The following VAV1 variants were observed in gnomAD, a reference collection of about 807,000 sequenced individuals.
The protein encoded by VAV1 is proto-oncogene vav.
VAV1 carries 33 observed loss-of-function variants against 128.1 expected under a neutral mutation model. That is an observed-to-expected ratio of 0.26 (90% CI 0.20 to 0.34). The LOEUF (loss-of-function observed/expected upper bound fraction) is 0.34, where lower values mean the gene tolerates loss of function less well. Ranked by LOEUF, VAV1 falls within the 10% of genes least tolerant of loss-of-function variation. The pLI, the probability that VAV1 is intolerant of heterozygous loss-of-function variation, is 1.00. For missense variants in VAV1, 715 were observed against 1,093.7 expected, an observed-to-expected ratio of 0.65 and a Z score of 4.88; for synonymous variants, 394 against 409.8, an observed-to-expected ratio of 0.96 and a Z score of 0.47.
intron 1 of VAV1, among the ~76,000 whole-genome samples, chr19:6,776,162 AT>A (rs1435015062): frequency 6.9e-3 from 14 of 2,038 alleles, no homozygotes; most frequent in African/African-American, 0.013. Context: ...CTATCCACCC[AT>A]CCATCCATCC....
chr19:6,815,986 G>A lies in VAV1; in HGVS notation c.205-4716G>A, dbSNP rs75129577. On this transcript the variant is annotated intron_variant, in intron 1 of 26. Coordinates refer to ENST00000602142, the MANE Select transcript of VAV1 (RefSeq NM_005428.4). Reference sequence around the variant, plus strand: ...GGAGGATTGCTTGAGGACCAGCCTCGGCAACATAATGAAACTCTCTGTCTC... The same window carrying A: ...GGAGGATTGCTTGAGGACCAGCCTCAGCAACATAATGAAACTCTCTGTCTC... 4.6e-3 allele frequency among the ~76,000 whole-genome samples: 692 copies of A among 151,812 alleles called. 7 individuals carry two copies. Among genetic ancestry groups the A allele is most frequent in the African/African-American group, 0.015 (625 of 41,348 alleles).
chr19:6,815,639 G>C (rs113288417), intron 1 of VAV1, among the ~76,000 whole-genome samples: 124 of 152,298 alleles, frequency 8.1e-4, no homozygotes, highest in African/African-American at 2.9e-3. Flanking sequence ...AGTGCCAAAT[G>C]AATTCACACA....
chr19:6,773,718 G>A (rs573930473), intron 1 of VAV1, among the ~76,000 whole-genome samples: 1 of 152,310 alleles, frequency 6.6e-6, no homozygotes, highest in South Asian at 2.1e-4. Flanking sequence ...TGGAGGGGTG[G>A]TGGTGGATTT....
At chr19:6,776,658 A>G (rs1970649819) in intron 1 of VAV1, among the ~76,000 whole-genome samples, 1 of 151,398 alleles carries the variant, frequency 6.6e-6, no homozygotes, top group African/African-American at 2.4e-5. Context: ...CCATCCATCT[A>G]CTTTTCCATC....
chr19:6,833,530 G>A lies in VAV1; in HGVS notation c.1613G>A (p.Gly538Asp). ...SCKACQMLLR[G>D]TFYQGYRCHR... Reference sequence around the variant, plus strand: ...TTTATGTGTTCCCTGCATCTCAGAGGTACCTTCTATCAGGGCTACCGCTGC... The same window carrying A: ...TTTATGTGTTCCCTGCATCTCAGAGATACCTTCTATCAGGGCTACCGCTGC... Residue 538 changes from glycine (G) to aspartate (D), a missense_variant and splice_region_variant, in exon 17 of 27, where the codon GGT becomes GAT. Around this residue, in one of 3 missense-constraint regions of VAV1, gnomAD observed 407 missense variants for 580.6 expected, o/e 0.70. Coordinates refer to ENST00000602142, the MANE Select transcript of VAV1 (RefSeq NM_005428.4). The A allele has an allele frequency of 6.2e-7, 1 of 1,601,196 alleles. No individual in the cohort carries two copies. Among genetic ancestry groups the A allele is most frequent in the Non-Finnish European group, 8.5e-7 (1 of 1,172,662 alleles).
chr19:6,843,234 G>T, intron 22 of VAV1, 68 bp downstream of exon 22: 1 of 1,571,216 alleles, frequency 6.4e-7, no homozygotes. Context: ...CTGGGTATGG[G>T]AGGAACCTCC....
chr19:6,798,751 T>C (rs1971197883), intron 1 of VAV1, among the ~76,000 whole-genome samples: 1 of 151,744 alleles, frequency 6.6e-6, no homozygotes, highest in Non-Finnish European at 1.5e-5. Context: ...ACTCAAGCGA[T>C]CCTCCTACCC....
intron 21 of VAV1, among the ~76,000 whole-genome samples, chr19:6,838,642 T>C (rs761069445): frequency 7.0e-4 from 107 of 152,280 alleles, no homozygotes; most frequent in Non-Finnish European, 1.2e-3. Context: ...ATTTATCATT[T>C]ATCCATCACC....
At chr19:6,838,109 A>ATCTATCTG in intron 21 of VAV1, among the ~76,000 whole-genome samples, 1 of 150,826 alleles carries the variant, frequency 6.6e-6, no homozygotes, top group East Asian at 1.9e-4. Flanking sequence ...CTATCTATCT[A>ATCTATCTG]TCTATCTATC....
Position 6,826,860 on chromosome 19 carries a change from G to A in VAV1, c.927+149G>A. 1.5e-6 allele frequency: 1 copy of A among 661,538 alleles called. No homozygotes were observed. Among genetic ancestry groups the A allele is most frequent in the Non-Finnish European group, 2.7e-6 (1 of 377,102 alleles). The allele number at this position is 661,538 out of a possible 1,614,324, so 41.0% of individuals were successfully genotyped here. A position where few individuals can be genotyped will look rare whatever the true frequency, so the allele number is the denominator to read the frequency against. ...GGACTAGGGAGGGAGGTACTAGCCA[G>A]CCAAGCAGAGGAAATGGAGAAGAAC... On this transcript the variant is annotated intron_variant, in intron 9 of 26. Coordinates refer to ENST00000602142, the MANE Select transcript of VAV1 (RefSeq NM_005428.4). This position sits in a 1 kb window ranked among gnomAD's most constrained non-coding sequence, Gnocchi z 4.1.
intron 13 of VAV1, 115 bp from the exon 14 acceptor site, chr19:6,829,671 T>C: frequency 6.6e-7 from 1 of 1,510,600 alleles, no homozygotes; most frequent in Non-Finnish European, 9.0e-7. Flanking sequence ...CATGGCCAAG[T>C]TGGCCAAGGA....
chr19:6,780,112 A>AAATAAT (rs55937714), intron 1 of VAV1, among the ~76,000 whole-genome samples: 5,283 of 127,392 alleles, frequency 0.041, 203 homozygotes, highest in East Asian at 0.069. Context: ...CTCTGTCTTA[A>AAATAAT]AATAATAATA....
At position 6,857,198 on chromosome 19, in the gene VAV1, C is replaced by G. The variant is rs55886724; in HGVS notation, c.*91C>G. 2.4e-5 allele frequency: 38 copies of G among 1,564,666 alleles called. No homozygotes were observed. The African/African-American group carries it at 4.3e-4, about 18-fold the overall frequency. ...AGCCAGGGGCTGTGACAGCTCCCGGCGGGTGGAGACTTTGGGATGGACTGG... is the reference window on the plus strand; with the variant it reads ...AGCCAGGGGCTGTGACAGCTCCCGGGGGGTGGAGACTTTGGGATGGACTGG... On this transcript the variant is annotated 3_prime_UTR_variant, in exon 27 of 27. Transcript: ENST00000602142.
At chr19:6,843,241 C>G in intron 22 of VAV1, 75 bp downstream of exon 22, 1 of 1,535,188 alleles carries the variant, frequency 6.5e-7, no homozygotes, top group East Asian at 2.2e-5. Flanking sequence ...TGGGAGGAAC[C>G]TCCGAGCCAA....
Position 6,772,831 on chromosome 19 carries a change from C to T in VAV1, c.24C>T (p.Thr8=). 2 of 1,613,928 alleles carry T rather than the reference C, an allele frequency of 1.2e-6. No homozygotes were observed. Among genetic ancestry groups the T allele is most frequent in the Non-Finnish European group, 1.7e-6 (2 of 1,179,928 alleles). The change falls in exon 1 of 27, where the codon ACC becomes ACT. Residue 8 remains threonine (T), a synonymous_variant. Coordinates refer to ENST00000602142, the MANE Select transcript of VAV1 (RefSeq NM_005428.4). This position sits in a 1 kb window ranked among gnomAD's most constrained non-coding sequence, Gnocchi z 4.8. ...CCATGGAGCTGTGGCGCCAATGCAC[C>T]CACTGGCTCATCCAGTGCCGGGTGC... The part of the protein sequence containing the change: MELWRQC[T]HWLIQCRVLP...
rs779265186 is a variant in VAV1 at position 6,829,876 on chromosome 19, C to T, written c.1356C>T (p.Phe452=). ...DLKDFVNLHS[F]QVRDDSSGDR... ...AGGACTTTGTAAACCTGCACAGCTT[C>T]CAGGTTCGGGATGACTCTTCAGGAG... The change falls in exon 14 of 27, where the codon TTC becomes TTT. Residue 452 remains phenylalanine, a synonymous_variant. Coordinates refer to ENST00000602142, the MANE Select transcript of VAV1 (RefSeq NM_005428.4). 2 of 1,614,184 alleles carry T rather than the reference C, an allele frequency of 1.2e-6. No homozygotes were observed. The highest frequency in any genetic ancestry group is 1.1e-5 in the South Asian group (1 of 91,078).
Position 6,826,551 on chromosome 19 carries a change from C to T in VAV1, c.828-61C>T. 7.5e-7 allele frequency: 1 copy of T among 1,333,056 alleles called. No homozygotes were observed. Among genetic ancestry groups the T allele is most frequent in the African/African-American group, 1.4e-5 (1 of 68,982 alleles). The allele number at this position is 1,333,056 out of a possible 1,614,324, so 82.6% of individuals were successfully genotyped here. A position where few individuals can be genotyped will look rare whatever the true frequency, so the allele number is the denominator to read the frequency against. ...GGAAGAGCAAGGCCAGGGCTGACGCCAGCCTCTGCCCGACCTTGATGCCAG... is the reference window on the plus strand; with the variant it reads ...GGAAGAGCAAGGCCAGGGCTGACGCTAGCCTCTGCCCGACCTTGATGCCAG... On this transcript the variant is annotated intron_variant, in intron 8 of 26. Coordinates refer to ENST00000602142, the MANE Select transcript of VAV1 (RefSeq NM_005428.4). The surrounding 1 kb of genome is among the most constrained non-coding windows in gnomAD (Gnocchi z 4.1).
chr19:6,857,329 G>A lies in VAV1; in HGVS notation c.*222G>A. On this transcript the variant is annotated 3_prime_UTR_variant, in exon 27 of 27. Coordinates refer to ENST00000602142, the MANE Select transcript of VAV1 (RefSeq NM_005428.4). ...GTCCCCTCAAGCAGACGGGGCTCAA[G>A]GGGGTTACATTTAATAAAAGGATGA... 1 of 575,726 alleles carries A rather than the reference G, an allele frequency of 1.7e-6. No homozygotes were observed. The highest frequency in any genetic ancestry group is 3.1e-5 in the Admixed American group (1 of 31,810). The allele number at this position is 575,726 out of a possible 1,614,324, so 35.7% of individuals were successfully genotyped here. A position where few individuals can be genotyped will look rare whatever the true frequency, so the allele number is the denominator to read the frequency against.
Position 6,786,712 on chromosome 19 carries a change from G to A in VAV1, c.204+13701G>A, listed in dbSNP as rs954547489. On this transcript the variant is annotated intron_variant, in intron 1 of 26. Coordinates refer to ENST00000602142, the MANE Select transcript of VAV1 (RefSeq NM_005428.4). ...GTGGAAGGATCACTTCAGCCTGGGAGATGGAGGTTGCAGTGAACCACGATT... is the reference window on the plus strand; with the variant it reads ...GTGGAAGGATCACTTCAGCCTGGGAAATGGAGGTTGCAGTGAACCACGATT... Among the ~76,000 whole-genome samples the A allele has an allele frequency of 4.6e-5, 7 of 152,168 alleles. No individual in the cohort carries two copies. In the East Asian group the frequency reaches 1.3e-3, roughly 29 times the overall value.
Sources: allele counts gnomAD v4.1 joint callset (sites outside exome capture counted in the v4.1 genomes callset), GRCh38; gene constraint gnomAD v4.1.1; regional missense constraint gnomAD v4.1.1; non-coding constraint Gnocchi (gnomAD v3.1); transcripts MANE v1.5; gene names NCBI Gene and HGNC (gene_info 2026-07-23, HGNC 2026-07-21).